Variants in MMS19 observed in about 807,000 individuals in gnomAD.
MMS19 encodes the protein MMS19 cytosolic iron-sulfur assembly component, also known as MMS19 nucleotide excision repair protein homolog.
A neutral mutation model predicts 129.8 loss-of-function variants in MMS19; 77 were observed. That is an observed-to-expected ratio of 0.59 (90% confidence interval 0.49 to 0.72). The LOEUF (loss-of-function observed/expected upper bound fraction) is 0.72, where lower values mean the gene tolerates loss of function less well. Among genes scored for constraint, MMS19 ranks in the 30% least tolerant of loss-of-function variants. The pLI is 0.00. For synonymous variants in MMS19, 491 were observed against 502.8 expected (o/e 0.98, Z 0.31); for missense variants, 1,168 against 1,266.3 (o/e 0.92, Z 1.18).
intron 26 of MMS19, 37 bp from the exon 27 acceptor site, chr10:97,459,778 C>T (rs758855973): frequency 1.3e-6 from 2 of 1,485,492 alleles, no homozygotes; most frequent in East Asian, 2.3e-5. Flanking sequence ...AGAAATTGGA[C>T]TTAGATATAT....
chr10:97,470,656 T>G (rs930029367), intron 9 of MMS19, 119 bp downstream of exon 9: 2 of 635,494 alleles, frequency 3.1e-6, no homozygotes, highest in African/African-American at 3.7e-5. Flanking sequence ...CACAAGACAC[T>G]TGCAGGGTGT....
intron 12 of MMS19, 151 bp downstream of exon 12, chr10:97,468,815 G>C (rs577753039): frequency 1.3e-6 from 1 of 772,946 alleles, no homozygotes; most frequent in Non-Finnish European, 2.0e-6. Context: ...CACCATGTTG[G>C]CCAGGCTGGT....
rs2034852017 is a variant in MMS19 at position 97,472,167 on chromosome 10, A to T, written c.685-1306T>A. 3.3e-5 allele frequency among the ~76,000 whole-genome samples: 5 copies of T among 152,362 alleles called. No homozygotes were observed. In the South Asian group the frequency reaches 1.0e-3, roughly 32 times the overall value. ...ATCAGTTTATAGAGAGGAAGAAAAA[A>T]ATGGTAAATACAAAAGTTTATGAAA... On this transcript the variant is annotated intron_variant, in intron 8 of 30. Transcript: ENST00000438925.
At chr10:97,480,840 T>C (rs940663301) in intron 3 of MMS19, 102 bp downstream of exon 3, 4 of 756,706 alleles carry the variant, frequency 5.3e-6, no homozygotes, top group Admixed American at 4.1e-5. Flanking sequence ...AGTTCATAGA[T>C]ACTTTAAGCC....
Position 97,466,155 on chromosome 10 carries a change from C to A in MMS19, c.1510G>T (p.Val504Leu). ...GTTCCTGATGCTTCCAGTGCTGCCA[C>A]CCTGCTGGAGGCGCAGAGCAGATAA... is the stretch of plus-strand genomic sequence containing the variant. ...FLKEDSQSCR[V>L]AALEASGTLA... The change falls in exon 17 of 31, where the codon GTG becomes TTG. Residue 504 changes from valine (V) to leucine (L), a missense_variant. By Grantham distance (32) the Val-to-Leu change is conservative. Coordinates refer to ENST00000438925, the MANE Select transcript of MMS19 (RefSeq NM_022362.5). The A allele has an allele frequency of 6.4e-7, 1 of 1,566,242 alleles. No individual in the cohort carries two copies. The highest frequency in any genetic ancestry group is 8.7e-7 in the Non-Finnish European group (1 of 1,155,246).
rs1294353070 is a variant in MMS19 at position 97,466,155 on chromosome 10, C to T, written c.1510G>A (p.Val504Met). The change falls in exon 17 of 31, where the codon GTG becomes ATG. Residue 504 changes from valine to methionine, a missense_variant. Physicochemically the swap from Val to Met is conservative, Grantham distance 21. Transcript: ENST00000438925. ...FLKEDSQSCR[V>M]AALEASGTLA... Reference sequence around the variant, plus strand: ...GTTCCTGATGCTTCCAGTGCTGCCACCCTGCTGGAGGCGCAGAGCAGATAA... The same window carrying T: ...GTTCCTGATGCTTCCAGTGCTGCCATCCTGCTGGAGGCGCAGAGCAGATAA... The T allele has an allele frequency of 1.3e-6, 2 of 1,566,124 alleles. No homozygotes were observed. The highest frequency in any genetic ancestry group is 2.7e-5 in the African/African-American group (2 of 73,546).
chr10:97,470,961 C>A, intron 8 of MMS19, 100 bp from the exon 9 acceptor site: 2 of 787,428 alleles, frequency 2.5e-6, no homozygotes, highest in Non-Finnish European at 4.0e-6. Context: ...GATACTCATA[C>A]CCAATCAGGG....
intron 16 of MMS19, 57 bp from the exon 17 acceptor site, chr10:97,466,216 T>TA: frequency 7.2e-7 from 1 of 1,395,468 alleles, no homozygotes; most frequent in Non-Finnish European, 9.9e-7. Context: ...CTCTCTTGCC[T>TA]ACGTCTGATA....
In MMS19 at chr10:97,460,698, G is replaced by T. The variant is rs1367520500; in HGVS notation, c.2466C>A (p.Ala822=). 3 of 1,593,108 alleles carry T rather than the reference G, an allele frequency of 1.9e-6. No homozygotes were observed. The highest frequency in any genetic ancestry group is 2.6e-6 in the Non-Finnish European group (3 of 1,169,120). ...RYHPLSSCLT[A]RLMGLLSDPE... ...TCTGTCTCCAGAAAGGACGTACCCG[G>T]GCTGTAAGGCAGGAGCTGAGAGGAT... Residue 822 remains alanine, a synonymous_variant, in exon 25 of 31, where the codon GCC becomes GCA. Transcript: ENST00000438925.
chr10:97,468,533 A>G, intron 12 of MMS19, 127 bp from the exon 13 acceptor site: 1 of 915,834 alleles, frequency 1.1e-6, no homozygotes, highest in East Asian at 3.0e-5. Flanking sequence ...AATTGTTTTC[A>G]ATTCAAAGTA....
chr10:97,493,389 C>T (rs527515389), intron 1 of MMS19, among the ~76,000 whole-genome samples: 1 of 152,184 alleles, frequency 6.6e-6, no homozygotes, highest in Admixed American at 6.5e-5. Context: ...CCACCTTGGG[C>T]AACAAAACAA....
Position 97,460,027 on chromosome 10 carries a change from CT to C in MMS19, c.2656+18del, listed in dbSNP as rs1343550127. ...AGGAGAGATGTGTATATGTGGGGACCTTCTTTCAGACTCCTCACCTTGGGGA... is the reference window on the plus strand; with the variant it reads ...AGGAGAGATGTGTATATGTGGGGACCTCTTTCAGACTCCTCACCTTGGGGA... On this transcript the variant is annotated intron_variant, in intron 26 of 30. Coordinates refer to ENST00000438925, the MANE Select transcript of MMS19 (RefSeq NM_022362.5). 1.2e-6 allele frequency: 2 copies of C among 1,610,500 alleles called. No individual in the cohort carries two copies. The highest frequency in any genetic ancestry group is 1.7e-6 in the Non-Finnish European group (2 of 1,177,528).
Position 97,476,197 on chromosome 10 carries a change from C to T in MMS19, c.684+486G>A, listed in dbSNP as rs560952043. On this transcript the variant is annotated intron_variant, in intron 8 of 30. Transcript: ENST00000438925. ...TTCTGTACACTGTGCACAATTGTGC[C>T]TTCTTTGTTTTGTCACTTTGTTTCT... is the stretch of plus-strand genomic sequence containing the variant. Among the ~76,000 whole-genome samples, 3 of 152,304 alleles carry T rather than the reference C, an allele frequency of 2.0e-5. No individual in the cohort carries two copies. In the South Asian group the frequency reaches 6.2e-4, roughly 32 times the overall value.
At chr10:97,473,410 CA>C (rs1347531927) in intron 8 of MMS19, among the ~76,000 whole-genome samples, 1 of 151,952 alleles carries the variant, frequency 6.6e-6, no homozygotes, top group Non-Finnish European at 1.5e-5. Flanking sequence ...TTAAGGGTTA[CA>C]AATCTAAAAA....
rs771167618 is a variant in MMS19 at position 97,476,869 on chromosome 10, G to A, written c.588C>T (p.Ile196=). ...DPRNLLVAFR[I]VHDLISRDYS... Reference sequence around the variant, plus strand: ...AGTCCCTGGAGATGAGGTCATGGACGATGCGGAAGGCCACCAGAAGATTAC... The same window carrying A: ...AGTCCCTGGAGATGAGGTCATGGACAATGCGGAAGGCCACCAGAAGATTAC... Residue 196 remains isoleucine, a synonymous_variant, in exon 7 of 31, where the codon ATC becomes ATT. Coordinates refer to ENST00000438925, the MANE Select transcript of MMS19 (RefSeq NM_022362.5). 1.9e-6 allele frequency: 3 copies of A among 1,613,870 alleles called. No individual in the cohort carries two copies. The highest frequency in any genetic ancestry group is 3.3e-5 in the Admixed American group (2 of 60,002).
rs768936949 is a variant in MMS19 at position 97,465,851 on chromosome 10, C to A, written c.1710G>T (p.Lys570Asn). ...GCTGCAGCAGCAGAGGCAGTGTCTC[C>A]TTGACGATGCTGGGATGTGTTGATA... ...SAVSTHPSIV[K>N]ETLPLLLQHL... is the part of the protein sequence containing the mutation. The change falls in exon 18 of 31, where the codon AAG becomes AAT. Residue 570 changes from lysine (K) to asparagine (N), a missense_variant. Around this residue, in one of 3 missense-constraint regions of MMS19, gnomAD observed 831 missense variants for 910.8 expected, o/e 0.91. Transcript: ENST00000438925. 5.6e-6 allele frequency: 9 copies of A among 1,613,908 alleles called. No individual in the cohort carries two copies. In the South Asian group the frequency reaches 9.9e-5, roughly 18 times the overall value.
At chr10:97,473,892 C>A (rs1309481230) in intron 8 of MMS19, among the ~76,000 whole-genome samples, 1 of 151,830 alleles carries the variant, frequency 6.6e-6, no homozygotes, top group Non-Finnish European at 1.5e-5. Context: ...CCTGTAATCC[C>A]AACACTTTGG....
chr10:97,461,503 G>A lies in MMS19; in HGVS notation c.2304C>T (p.His768=), dbSNP rs751551220. 105 of 1,607,122 alleles carry A rather than the reference G, an allele frequency of 6.5e-5. 1 individual carries two copies. The South Asian group carries it at 1.1e-3, about 17-fold the overall frequency. ...ATAGTCTGATCTCAGTACCTGCAGG[G>A]TGCTTGTTGAGGAGTCCTGCAAAGC... ...AKCFAGLLNK[H]PAGQQLDEFL... Residue 768 remains histidine, a synonymous_variant, in exon 23 of 31, where the codon CAC becomes CAT. Coordinates refer to ENST00000438925, the MANE Select transcript of MMS19 (RefSeq NM_022362.5).
chr10:97,466,401 A>G, intron 16 of MMS19, 103 bp downstream of exon 16: 1 of 969,936 alleles, frequency 1.0e-6, no homozygotes, highest in South Asian at 1.3e-5. Context: ...CCCTAAGGAG[A>G]GCCAAGGGTC....
Sources: gnomAD v4.1 joint callset for allele counts (sites outside exome capture counted in the v4.1 genomes callset) on GRCh38, gnomAD v4.1.1 for gene constraint, gnomAD v4.1.1 regional missense constraint, MANE v1.5 for transcripts, NCBI Gene and HGNC (gene_info 2026-07-23, HGNC 2026-07-21) for gene names.